The following TTN variants were observed in gnomAD, a reference collection of about 807,000 sequenced individuals.
The protein encoded by TTN is connectin.
In TTN, 1,525 loss-of-function variants were observed where a neutral mutation model predicts 3,223.0. The observed-to-expected ratio is 0.47, with a 90% CI of 0.45 to 0.49. TTN has a LOEUF of 0.49. TTN is among the 20% of genes least tolerant of loss of function. TTN has a pLI of 0.00. For missense variants in TTN, 40,786 were observed against 43,424.0 expected (o/e 0.94, Z 5.40); for synonymous variants, 14,094 against 15,161.0 (o/e 0.93, Z 5.17).
At chr2:178,580,701 T>G (rs1163196446) in intron 316 of TTN, 92 bp from the exon 317 acceptor site, 2 of 1,218,046 alleles carry the variant, frequency 1.6e-6, no homozygotes, top group Non-Finnish European at 2.3e-6. Context: ...ATACATTTAT[T>G]TTCTAGAGCT....
intron 30 of TTN, 36 bp from the exon 31 acceptor site, chr2:178,774,146 AT>A (rs1274990819): frequency 6.2e-7 from 1 of 1,613,926 alleles, no homozygotes; most frequent in African/African-American, 1.3e-5. Flanking sequence ...TGTTATGATC[AT>A]TTTTTATCAA....
Position 178,542,432 on chromosome 2 carries a change from C to A in TTN, c.97324G>T (p.Ala32442Ser), listed in dbSNP as rs778341120. The change falls in exon 349 of 363, where the codon GCT (alanine) becomes TCT (serine). Residue 32442 changes from alanine (A) to serine (S), a missense_variant. Physicochemically the swap from Ala to Ser is moderately conservative, Grantham distance 99. Transcript: ENST00000589042. ...ACGGGCAGCCATCCTGGACGATGAGCGTCACGTTGTTCTACCACATAACCA... is the reference window on the plus strand; with the variant it reads ...ACGGGCAGCCATCCTGGACGATGAGAGTCACGTTGTTCTACCACATAACCA... ...LSGYVVEQRD[A>S]HRPGWLPVSE... The A allele has an allele frequency of 1.9e-6, 3 of 1,613,566 alleles. No individual in the cohort carries two copies. Among genetic ancestry groups the A allele is most frequent in the Non-Finnish European group, 2.5e-6 (3 of 1,179,724 alleles).
intron 240 of TTN, among the ~76,000 whole-genome samples, chr2:178,628,349 T>C (rs973026606): frequency 5.3e-5 from 8 of 152,094 alleles, no homozygotes; most frequent in African/African-American, 1.4e-4. Context: ...TTGAGATCTT[T>C]ATAGCACATT....
Position 178,710,712 on chromosome 2 carries a change from C to A in TTN, c.28385G>T (p.Gly9462Val). ...AHLTVLKVDK[G>V]DSGQYTCYAV... is the part of the protein sequence containing the mutation. ...ATAGCAGGTATATTGTCCAGAATCT[C>A]CTTTGTCTACTTTGAGGACTGTCAG... The change falls in exon 98 of 363, where the codon GGA (glycine) becomes GTA (valine). Residue 9462 changes from glycine (G) to valine (V), a missense_variant. Transcript: ENST00000589042. The A allele has an allele frequency of 6.2e-7, 1 of 1,613,590 alleles. No individual in the cohort carries two copies. The highest frequency in any genetic ancestry group is 1.3e-5 in the African/African-American group (1 of 74,894).
rs201930482 is a variant in TTN at position 178,730,080 on chromosome 2, G to A, written c.18307+13C>T. 36 of 1,480,870 alleles carry A rather than the reference G, an allele frequency of 2.4e-5. 1 individual carries two copies. In the South Asian group the frequency reaches 3.6e-4, roughly 15 times the overall value. 91.7% of individuals were successfully genotyped at this position (1,480,870 alleles called of 1,614,324 possible). A position where few individuals can be genotyped will look rare whatever the true frequency, so the allele number is the denominator to read the frequency against. Reference sequence around the variant, plus strand: ...TAGACAAGCAAGAAAGTGAGGAGATGTAGAGACCAGACCTTTTACAAAGAG... The same window carrying A: ...TAGACAAGCAAGAAAGTGAGGAGATATAGAGACCAGACCTTTTACAAAGAG... On this transcript the variant is annotated intron_variant, in intron 62 of 362. Transcript: ENST00000589042.
Position 178,536,099 on chromosome 2 carries a change from C to T in TTN, c.100648G>A (p.Gly33550Ser), listed in dbSNP as rs775985787. The change falls in exon 357 of 363, where the codon GGT becomes AGT. Residue 33550 changes from glycine to serine, a missense_variant. Physicochemically the swap from Gly to Ser is moderately conservative, Grantham distance 56. Coordinates refer to ENST00000589042, the MANE Select transcript of TTN (RefSeq NM_001267550.2). ...GCAATGATGAGCTGGTGGTAGCCAC[C>T]CTTAAATTCTTGAATCCTATATTTT... ...GLKYRIQEFK[G>S]GYHQLIIASV... 1.9e-6 allele frequency: 3 copies of T among 1,611,986 alleles called. No individual in the cohort carries two copies. Among genetic ancestry groups the T allele is most frequent in the Non-Finnish European group, 2.5e-6 (3 of 1,178,588 alleles).
In TTN at chr2:178,567,669, C is replaced by T. The variant is rs778395291; in HGVS notation, c.78463G>A (p.Glu26155Lys). Residue 26155 changes from glutamate to lysine, a missense_variant, in exon 326 of 363, where the codon GAA becomes AAA. Coordinates refer to ENST00000589042, the MANE Select transcript of TTN (RefSeq NM_001267550.2). Reference sequence around the variant, plus strand: ...ACTCTGAATTCATATCTTTGATCTTCAGTAAGACCTGACACAGTAAATTGA... The same window carrying T: ...ACTCTGAATTCATATCTTTGATCTTTAGTAAGACCTGACACAGTAAATTGA... ...ETQFTVSGLT[E>K]DQRYEFRVIA... is the part of the protein sequence containing the mutation. 6.2e-7 allele frequency: 1 copy of T among 1,612,364 alleles called. No homozygotes were observed. The highest frequency in any genetic ancestry group is 1.1e-5 in the South Asian group (1 of 90,954).
rs927537060 is a variant in TTN, at chr2:178,799,429, C to T, written c.914+58G>A. On this transcript the variant is annotated intron_variant, in intron 6 of 362. Transcript: ENST00000589042. ...GCGAGGGGGACAAGGGAATCTTTCTCGTTTCAAAACCTAGTTCCAAAATGT... is the reference window on the plus strand; with the variant it reads ...GCGAGGGGGACAAGGGAATCTTTCTTGTTTCAAAACCTAGTTCCAAAATGT... 11 of 1,611,966 alleles carry T rather than the reference C, an allele frequency of 6.8e-6. 1 individual carries two copies. In the African/African-American group the frequency reaches 1.2e-4, roughly 18 times the overall value.
chr2:178,567,396 C>T lies in TTN; in HGVS notation c.78736G>A (p.Asp26246Asn), dbSNP rs866667558. ...ESARCEIKNTDFKALLIVKDA... is the reference protein window; with the variant it reads ...ESARCEIKNTNFKALLIVKDA... The stretch of plus-strand genomic sequence containing the variant: ...TTTACAATAAGTAAAGCCTTGAAAT[C>T]TGTGTTCTTTATTTCACATCTAGCA... Residue 26246 changes from aspartate (D) to asparagine (N), a missense_variant, in exon 326 of 363, where the codon GAT becomes AAT. Transcript: ENST00000589042. The T allele has an allele frequency of 6.2e-7, 1 of 1,600,414 alleles. No individual in the cohort carries two copies.
At chr2:178,608,155 C>G (rs563603991) in intron 275 of TTN, 23 bp downstream of exon 275, 3 of 1,600,572 alleles carry the variant, frequency 1.9e-6, no homozygotes, top group Non-Finnish European at 2.6e-6. Context: ...TCTACTCCAC[C>G]TTCTTCTTAA....
At position 178,528,273 on chromosome 2, in the gene TTN, C is replaced by T. The variant is rs112188483; in HGVS notation, c.107377+1G>A. On this transcript the variant is annotated splice_donor_variant, in intron 361 of 362. Coordinates refer to ENST00000589042, the MANE Select transcript of TTN (RefSeq NM_001267550.2). LOFTEE classifies it high-confidence loss of function. ...AGGAAGAAGGGTGAGGAGATACTTA[C>T]GAAGGACCATTAAGGAAGCTGTAGC... 58 of 1,613,396 alleles carry T rather than the reference C, an allele frequency of 3.6e-5. No individual in the cohort carries two copies. The highest frequency in any genetic ancestry group is 4.2e-5 in the Non-Finnish European group (50 of 1,179,634).
chr2:178,757,178 A>AAGTACAGTAAGTAACACTGTACTTG (rs1561093680), intron 45 of TTN, among the ~76,000 whole-genome samples: 44 of 90,548 alleles, frequency 4.9e-4, no homozygotes, highest in South Asian at 1.1e-3. Context: ...TACTGTACTT[A>AAGTACAGTAAGTAACACTGTACTTG]CTTTAAGTAC....
rs1380791636 is a variant in TTN, at chr2:178,639,751, T to C, written c.40824A>G (p.Glu13608=). Residue 13608 remains glutamate (E), a synonymous_variant, in exon 223 of 363, where the codon GAA becomes GAG. Transcript: ENST00000589042. ...KTIKPPPVEP[E]PTPIAAPVTV... Reference sequence around the variant, plus strand: ...TTACTGGGGCAGCGATGGGGGTTGGTTCAGGTTCCACAGGAGGTGGTTTGA... The same window carrying C: ...TTACTGGGGCAGCGATGGGGGTTGGCTCAGGTTCCACAGGAGGTGGTTTGA... 6.2e-7 allele frequency: 1 copy of C among 1,608,786 alleles called. No homozygotes were observed. Among genetic ancestry groups the C allele is most frequent in the African/African-American group, 1.3e-5 (1 of 74,584 alleles).
At position 178,794,992 on chromosome 2, in the gene TTN, G is replaced by A. The variant is rs779169850; in HGVS notation, c.1175C>T (p.Ala392Val). The change falls in exon 7 of 363, where the codon GCG becomes GTG. Residue 392 changes from alanine to valine, a missense_variant. Ala to Val is a moderately conservative substitution (Grantham distance 64). Transcript: ENST00000589042. The stretch of plus-strand genomic sequence containing the variant: ...GGCCGACACACTGGCGGCAGCACCC[G>A]CAGCACCACTGATGGTCACTTGCTC... ...VQEQVTISGA[A>V]GAAASVSASA... The A allele has an allele frequency of 4.3e-5, 69 of 1,608,812 alleles. 1 individual carries two copies. In the East Asian group the frequency reaches 1.1e-3, roughly 25 times the overall value.
intron 47 of TTN, chr2:178,749,383 A>G: frequency 6.2e-7 from 1 of 1,613,182 alleles, no homozygotes; most frequent in South Asian, 1.1e-5. Flanking sequence ...TTCTTGAAGC[A>G]CCATGCACAA....
At chr2:178,546,531 A>G in intron 341 of TTN, 29 bp from the exon 342 acceptor site, 1 of 1,599,040 alleles carries the variant, frequency 6.3e-7, no homozygotes, top group Non-Finnish European at 8.5e-7. Context: ...GATATGAATG[A>G]ATATCTGAGA....
chr2:178,706,918 G>C lies in TTN; in HGVS notation c.29078C>G (p.Ala9693Gly). Residue 9693 changes from alanine (A) to glycine (G), a missense_variant, in exon 101 of 363, where the codon GCG (alanine) becomes GGG (glycine). Physicochemically the swap from Ala to Gly is moderately conservative, Grantham distance 60 (BLOSUM62 0). Coordinates refer to ENST00000589042, the MANE Select transcript of TTN (RefSeq NM_001267550.2). ...PAVAPATKKA[A>G]VDGRLFFVSE... is the part of the protein sequence containing the mutation. ...CACAAAAAAGAGTCTTCCATCTACC[G>C]CAGCTTTCTTGGTTGCTGGGGCCAC... The C allele has an allele frequency of 6.2e-7, 1 of 1,611,740 alleles. No homozygotes were observed. The highest frequency in any genetic ancestry group is 1.1e-5 in the South Asian group (1 of 90,486).
At position 178,534,908 on chromosome 2, in the gene TTN, G is replaced by A. The variant is rs772574722; in HGVS notation, c.101707C>T (p.Arg33903Cys). ...EFISGLDIFERINTSAFELNE... is the reference protein window; with the variant it reads ...EFISGLDIFECINTSAFELNE... ...AGTTCAAAAGCACTTGTGTTAATGC[G>A]CTCAAATATGTCAAGTCCTGATATA... Residue 33903 changes from arginine to cysteine, a missense_variant, in exon 358 of 363, where the codon CGC (arginine) becomes TGC (cysteine). By Grantham distance (180) the Arg-to-Cys change is radical. Transcript: ENST00000589042. 2.6e-5 allele frequency: 42 copies of A among 1,609,844 alleles called. No homozygotes were observed. The highest frequency in any genetic ancestry group is 8.3e-5 in the Admixed American group (5 of 59,988).
Position 178,553,314 on chromosome 2 carries a change from G to A in TTN, c.89586C>T (p.Pro29862=). 6.2e-7 allele frequency: 1 copy of A among 1,606,580 alleles called. No homozygotes were observed. The highest frequency in any genetic ancestry group is 8.5e-7 in the Non-Finnish European group (1 of 1,179,668). Residue 29862 remains proline (P), a synonymous_variant, in exon 335 of 363, where the codon CCC becomes CCT. Coordinates refer to ENST00000589042, the MANE Select transcript of TTN (RefSeq NM_001267550.2). ...CAGTAGGTGGAGGTCTGCCTTTAAA[G>A]GGAATCAACACTTGTACATCTTCAC... ...KAGEDVQVLI[P]FKGRPPPTVT... is the part of the protein sequence containing the mutation.
Sources: allele counts gnomAD v4.1 joint callset (sites outside exome capture counted in the v4.1 genomes callset), GRCh38; gene constraint gnomAD v4.1.1; transcripts MANE v1.5; gene names NCBI Gene and HGNC (gene_info 2026-07-23, HGNC 2026-07-21).